BUD13: variants seen among roughly 807,000 people sequenced by gnomAD.
The protein encoded by BUD13 is BUD13 spliceosome associated protein.
BUD13 carries 47 observed loss-of-function variants against 62.5 expected under a neutral mutation model. That is an observed-to-expected ratio of 0.75 (90% CI 0.60 to 0.96). The LOEUF is 0.96. BUD13 is among the 40% of genes least tolerant of loss of function. The pLI, the probability that BUD13 is intolerant of heterozygous loss-of-function variation, is 0.00. For synonymous variants in BUD13, 293 were observed against 280.1 expected (o/e 1.05, Z -0.46); for missense variants, 821 against 790.9 (o/e 1.04, Z -0.46).
chr11:116,749,205 A>G (rs1415055070), intron 9 of BUD13, among the ~76,000 whole-genome samples: 1 of 152,124 alleles, frequency 6.6e-6, no homozygotes, highest in African/African-American at 2.4e-5. Context: ...TTCATTACAC[A>G]AACATTTATT....
chr11:116,768,570 T>C (rs1395770890), intron 2 of BUD13, among the ~76,000 whole-genome samples: 2 of 152,168 alleles, frequency 1.3e-5, no homozygotes, highest in Non-Finnish European at 2.9e-5. Flanking sequence ...TAAATATGCA[T>C]TGCTTTTATA....
At position 116,765,540 on chromosome 11, in the gene BUD13, C is replaced by T. The variant is rs938045988; in HGVS notation, c.238-94G>A. 3.7e-6 allele frequency: 5 copies of T among 1,353,030 alleles called. No homozygotes were observed. The African/African-American group carries it at 7.2e-5, about 19-fold the overall frequency. 83.8% of individuals were successfully genotyped at this position (1,353,030 alleles called of 1,614,324 possible). A position where few individuals can be genotyped will look rare whatever the true frequency, so the allele number is the denominator to read the frequency against. On this transcript the variant is annotated intron_variant, in intron 2 of 9. Coordinates refer to ENST00000260210, the MANE Select transcript of BUD13 (RefSeq NM_032725.4). ...CCTGAAGTTACAACCATTCCGATTC[C>T]TAACACAAGGGCGTACATATATCCA...
intron 9 of BUD13, among the ~76,000 whole-genome samples, chr11:116,750,308 G>A (rs1940210976): frequency 6.6e-6 from 1 of 152,218 alleles, no homozygotes. Flanking sequence ...GAATTTCAAG[G>A]AGGTAGTGAG....
chr11:116,757,306 C>T, intron 8 of BUD13, 79 bp from the exon 9 acceptor site: 1 of 1,327,398 alleles, frequency 7.5e-7, no homozygotes, highest in South Asian at 1.3e-5. Context: ...TGGAATTTTC[C>T]TTTTTTTTTA....
At chr11:116,748,939 CGT>C (rs1240921800) in intron 9 of BUD13, among the ~76,000 whole-genome samples, 1 of 131,636 alleles carries the variant, frequency 7.6e-6, no homozygotes, top group African/African-American at 2.9e-5. Context: ...GAGCGGAGAT[CGT>C]GCCACTGCAC....
chr11:116,753,294 A>T (rs910619207), intron 9 of BUD13, among the ~76,000 whole-genome samples: 1 of 152,224 alleles, frequency 6.6e-6, no homozygotes, highest in Non-Finnish European at 1.5e-5. Context: ...ACTACAAAAG[A>T]GATGAACCTC....
chr11:116,751,120 A>C lies in BUD13; in HGVS notation c.1767-2545T>G, dbSNP rs147640643. On this transcript the variant is annotated intron_variant, in intron 9 of 9. Coordinates refer to ENST00000260210, the MANE Select transcript of BUD13 (RefSeq NM_032725.4). ...CAACTTACTCTTCCTTTGTGCTCCC[A>C]AAACATCTTGAAAATCTTCTATAGT... Among the ~76,000 whole-genome samples the C allele has an allele frequency of 5.6e-3, 856 of 152,308 alleles. 9 individuals are homozygous for C. The highest frequency in any genetic ancestry group is 0.02 in the African/African-American group (813 of 41,554).
intron 9 of BUD13, among the ~76,000 whole-genome samples, 172 bp downstream of exon 9, chr11:116,756,974 A>G (rs1940337069): frequency 6.6e-6 from 1 of 152,204 alleles, no homozygotes; most frequent in African/African-American, 2.4e-5. Context: ...CAGAAGGAGG[A>G]GTGTTCCAAG....
Position 116,762,551 on chromosome 11 carries a change from A to C in BUD13, c.1036+2T>G. 5.0e-6 allele frequency: 8 copies of C among 1,600,948 alleles called. No individual in the cohort carries two copies. The highest frequency in any genetic ancestry group is 6.8e-6 in the Non-Finnish European group (8 of 1,172,838). ...CCCTCTCATGGACAGTCATATGCTC[A>C]CCTTTGGAATCAAGCTGCTTCTTGT... is the stretch of plus-strand genomic sequence containing the variant. On this transcript the variant is annotated splice_donor_variant, in intron 4 of 9. Transcript: ENST00000260210. LOFTEE classifies it high-confidence loss of function.
At position 116,760,888 on chromosome 11, in the gene BUD13, G is replaced by T. The variant is rs1157401900; in HGVS notation, c.1101C>A (p.His367Gln). 2 of 1,614,062 alleles carry T rather than the reference G, an allele frequency of 1.2e-6. No homozygotes were observed. Among genetic ancestry groups the T allele is most frequent in the South Asian group, 2.2e-5 (2 of 91,076 alleles). Residue 367 changes from histidine (H) to glutamine (Q), a missense_variant, in exon 5 of 10, where the codon CAC becomes CAA. His to Gln is a conservative substitution (Grantham distance 24). Transcript: ENST00000260210. ...GTGACAGATCTGAATCAGAATCCTG[G>T]TGCCCTGGACTTTGTTTATGCCGTG... ...SSPRHKQSPG[H>Q]QDSDSDLSPP...
At chr11:116,750,324 C>T (rs189162141) in intron 9 of BUD13, among the ~76,000 whole-genome samples, 162 of 152,228 alleles carry the variant, frequency 1.1e-3, no homozygotes, top group Middle Eastern at 3.4e-3. Context: ...GTGAGTGGAC[C>T]TCAAATCCCT....
In BUD13 at chr11:116,766,751, CA is replaced by C. The variant is rs543379447; in HGVS notation, c.238-1306del. Among the ~76,000 whole-genome samples the C allele has an allele frequency of 2.0e-4, 31 of 152,276 alleles. No homozygotes were observed. In the South Asian group the frequency reaches 6.4e-3, roughly 32 times the overall value. Reference sequence around the variant, plus strand: ...ATCGTAATCATCATAATCGTTTTACCATTATTACTGGTGGTGGTGGTGATCT... The same window carrying C: ...ATCGTAATCATCATAATCGTTTTACCTTATTACTGGTGGTGGTGGTGATCT... On this transcript the variant is annotated intron_variant, in intron 2 of 9. Coordinates refer to ENST00000260210, the MANE Select transcript of BUD13 (RefSeq NM_032725.4).
At chr11:116,749,103 C>T (rs1351236848) in intron 9 of BUD13, among the ~76,000 whole-genome samples, 2 of 152,126 alleles carry the variant, frequency 1.3e-5, no homozygotes, top group African/African-American at 4.8e-5. Flanking sequence ...CTTGTTCACA[C>T]CCTTCCCCCA....
At chr11:116,767,962 G>C (rs1028953293) in intron 2 of BUD13, among the ~76,000 whole-genome samples, 3 of 143,048 alleles carry the variant, frequency 2.1e-5, no homozygotes, top group African/African-American at 7.7e-5. Flanking sequence ...AACAGAGCAA[G>C]ACCCTGTCTC....
In BUD13 at chr11:116,758,159, T is replaced by C. The variant is rs1221736168; in HGVS notation, c.1499+110A>G. On this transcript the variant is annotated intron_variant, in intron 7 of 9. Coordinates refer to ENST00000260210, the MANE Select transcript of BUD13 (RefSeq NM_032725.4). ...AGATTCAGCACACCAAATTTCCCAT[T>C]ACTGATAACAGCTCTGAAGGCATAA... 6 of 1,504,386 alleles carry C rather than the reference T, an allele frequency of 4.0e-6. No homozygotes were observed. The Admixed American group carries it at 1.0e-4, about 26-fold the overall frequency. 93.2% of individuals were successfully genotyped at this position (1,504,386 alleles called of 1,614,324 possible).
chr11:116,767,014 C>G (rs2134183453), intron 2 of BUD13, among the ~76,000 whole-genome samples: 1 of 151,632 alleles, frequency 6.6e-6, no homozygotes, highest in East Asian at 2.0e-4. Context: ...ACGGTGAAAC[C>G]CCGTCTCTAC....
At chr11:116,754,924 C>T (rs1460110291) in intron 9 of BUD13, among the ~76,000 whole-genome samples, 1 of 152,182 alleles carries the variant, frequency 6.6e-6, no homozygotes, top group East Asian at 1.9e-4. Flanking sequence ...AACTCAAAGT[C>T]TCTACAGTAT....
chr11:116,763,670 A>G (rs926238781), intron 3 of BUD13, among the ~76,000 whole-genome samples: 12 of 152,090 alleles, frequency 7.9e-5, no homozygotes, highest in Non-Finnish European at 1.6e-4. Flanking sequence ...CTCCCAGTCC[A>G]ATGTTCTTTC....
In BUD13 at chr11:116,762,831, C is replaced by T. The variant is rs779739237; in HGVS notation, c.758G>A (p.Arg253Lys). The stretch of plus-strand genomic sequence containing the variant: ...TGTGTCTGAAGAGCCAAGAGTCCTC[C>T]TAGATGTGTCAGGGGAGTTGTTATG... ...RVHNNSPDTS[R>K]RTLGSSDTQQ... Residue 253 changes from arginine to lysine, a missense_variant, in exon 4 of 10, where the codon AGG becomes AAG. Physicochemically the swap from Arg to Lys is conservative, Grantham distance 26. Transcript: ENST00000260210. 1 of 1,613,896 alleles carries T rather than the reference C, an allele frequency of 6.2e-7. No homozygotes were observed. Among genetic ancestry groups the T allele is most frequent in the Non-Finnish European group, 8.5e-7 (1 of 1,179,932 alleles).
Sources: allele counts gnomAD v4.1 joint callset (sites outside exome capture counted in the v4.1 genomes callset), GRCh38; gene constraint gnomAD v4.1.1; transcripts MANE v1.5; gene names NCBI Gene and HGNC (gene_info 2026-07-23, HGNC 2026-07-21).